The following BMP6 variants were observed in gnomAD, a reference collection of about 807,000 sequenced individuals.
BMP6 encodes the protein VG-1-R.
BMP6 carries 17 observed loss-of-function variants against 54.1 expected under a neutral mutation model. The observed-to-expected ratio is 0.31, with a 90% CI of 0.22 to 0.47. The LOEUF is 0.47. Ranked by LOEUF, BMP6 falls within the 20% of genes least tolerant of loss-of-function variation. BMP6 has a pLI of 1.00. For missense variants in BMP6, 720 were observed against 690.4 expected (o/e 1.04, Z -0.48); for synonymous variants, 328 against 291.2 (o/e 1.13, Z -1.28).
intron 1 of BMP6, among the ~76,000 whole-genome samples, chr6:7,732,377 A>T (rs984554757): frequency 3.3e-5 from 5 of 152,250 alleles, no homozygotes; most frequent in Non-Finnish European, 5.9e-5. Flanking sequence ...AAGGGCAAGC[A>T]GATACTATTG....
At chr6:7,745,652 G>T (rs555665071) in intron 1 of BMP6, among the ~76,000 whole-genome samples, 1 of 152,288 alleles carries the variant, frequency 6.6e-6, no homozygotes, top group East Asian at 1.9e-4. Flanking sequence ...GTGTTTATTG[G>T]TCCCTTTCAA....
chr6:7,845,001 G>A (rs989002561), intron 1 of BMP6, 139 bp from the exon 2 acceptor site: 4 of 736,010 alleles, frequency 5.4e-6, no homozygotes, highest in African/African-American at 5.3e-5. Flanking sequence ...CCAGTGGTCT[G>A]TTCACTACCC....
chr6:7,736,606 C>T (rs564794034), intron 1 of BMP6, among the ~76,000 whole-genome samples: 1 of 152,230 alleles, frequency 6.6e-6, no homozygotes, highest in African/African-American at 2.4e-5. Context: ...GCTTATTTGC[C>T]TTTGGACTGT....
intron 1 of BMP6, among the ~76,000 whole-genome samples, chr6:7,807,172 T>A (rs1398735327): frequency 1.3e-5 from 2 of 152,188 alleles, no homozygotes; most frequent in Non-Finnish European, 2.9e-5. Flanking sequence ...CCCACAGGAA[T>A]CTTAGACCTC....
At chr6:7,867,388 G>T (rs552407828) in intron 4 of BMP6, among the ~76,000 whole-genome samples, 76 of 152,298 alleles carry the variant, frequency 5.0e-4, no homozygotes, top group African/African-American at 1.8e-3. Flanking sequence ...CAAAACAGCT[G>T]TTTGAGTAGT....
intron 1 of BMP6, among the ~76,000 whole-genome samples, chr6:7,728,812 G>T (rs570002601): frequency 4.6e-5 from 7 of 152,184 alleles, no homozygotes; most frequent in Non-Finnish European, 7.3e-5. Flanking sequence ...GAGCACACGG[G>T]TCTCCCAGCC....
At chr6:7,775,812 G>A (rs1757854276) in intron 1 of BMP6, among the ~76,000 whole-genome samples, 1 of 152,194 alleles carries the variant, frequency 6.6e-6, no homozygotes, top group Non-Finnish European at 1.5e-5. Flanking sequence ...CAATGACTTA[G>A]TTCAGTATTT....
intron 1 of BMP6, among the ~76,000 whole-genome samples, chr6:7,819,742 T>C (rs1758580109): frequency 6.6e-6 from 1 of 152,222 alleles, no homozygotes; most frequent in African/African-American, 2.4e-5. Context: ...GGTCTTTAAA[T>C]CCCAGATGTT....
chr6:7,861,091 A>T (rs1022846175), intron 2 of BMP6, among the ~76,000 whole-genome samples: 2 of 152,186 alleles, frequency 1.3e-5, no homozygotes, highest in African/African-American at 4.8e-5. Context: ...TCTCAAAAAA[A>T]AAAAAATAAA....
intron 2 of BMP6, among the ~76,000 whole-genome samples, chr6:7,856,120 T>TTAAAA (rs538414464): frequency 1.2e-5 from 1 of 83,664 alleles, no homozygotes; most frequent in Non-Finnish European, 2.2e-5. Context: ...TCAAAGACTG[T>TTAAAA]AAAAAAAAAA....
chr6:7,813,278 C>T (rs1360112674), intron 1 of BMP6, among the ~76,000 whole-genome samples: 24 of 143,572 alleles, frequency 1.7e-4, no homozygotes, highest in Non-Finnish European at 7.6e-5. Flanking sequence ...TTATAAAACA[C>T]CTCCAATACT....
intron 1 of BMP6, among the ~76,000 whole-genome samples, chr6:7,782,269 G>A (rs1757959857): frequency 7.0e-6 from 1 of 142,878 alleles, no homozygotes; most frequent in South Asian, 2.1e-4. Flanking sequence ...TTGGTGGAGG[G>A]AGATTGTAAC....
chr6:7,734,800 T>A (rs768929650), intron 1 of BMP6, among the ~76,000 whole-genome samples: 3 of 152,228 alleles, frequency 2.0e-5, no homozygotes, highest in Non-Finnish European at 2.9e-5. Flanking sequence ...AGTTAATTCC[T>A]TGATGGGTCC....
At chr6:7,729,461 C>A (rs1378463651) in intron 1 of BMP6, among the ~76,000 whole-genome samples, 1 of 152,116 alleles carries the variant, frequency 6.6e-6, no homozygotes, top group Non-Finnish European at 1.5e-5. Context: ...GTTACAGTCC[C>A]TGGGAAAACA....
At chr6:7,872,660 G>A (rs1333388407) in intron 4 of BMP6, among the ~76,000 whole-genome samples, 1 of 152,198 alleles carries the variant, frequency 6.6e-6, no homozygotes, top group Non-Finnish European at 1.5e-5. Context: ...GGTGAAGTTA[G>A]AAGCAAAGCC....
intron 1 of BMP6, among the ~76,000 whole-genome samples, chr6:7,817,005 T>C (rs1758538513): frequency 6.6e-6 from 1 of 152,002 alleles, no homozygotes; most frequent in Non-Finnish European, 1.5e-5. Context: ...AAGAGATCAA[T>C]AAACTCAGAA....
chr6:7,826,981 G>A (rs1048053757), intron 1 of BMP6, among the ~76,000 whole-genome samples: 3 of 152,018 alleles, frequency 2.0e-5, no homozygotes, highest in Non-Finnish European at 4.4e-5. Context: ...TCCATGCCTC[G>A]TTGAGGCTGG....
chr6:7,837,360 AAAG>A (rs1348236897), intron 1 of BMP6, among the ~76,000 whole-genome samples: 16 of 152,352 alleles, frequency 1.1e-4, no homozygotes, highest in African/African-American at 3.8e-4. Context: ...AGTGAGAAAA[AAAG>A]AAAAATCTTT....
intron 1 of BMP6, among the ~76,000 whole-genome samples, chr6:7,774,772 T>G (rs115636901): frequency 5.4e-4 from 82 of 152,282 alleles, no homozygotes; most frequent in African/African-American, 1.7e-3. Context: ...GAAACAAACA[T>G]GGATATTGCC....
Sources: allele counts gnomAD v4.1 joint callset (sites outside exome capture counted in the v4.1 genomes callset), GRCh38; gene constraint gnomAD v4.1.1; transcripts MANE v1.5; gene names NCBI Gene and HGNC (gene_info 2026-07-23, HGNC 2026-07-21).